RNF220: variants seen among roughly 807,000 people sequenced by gnomAD.
RNF220 encodes the protein ring finger protein 220.
RNF220 carries 7 observed loss-of-function variants against 67.1 expected under a neutral mutation model. The observed-to-expected ratio is 0.10, with a 90% CI of 0.06 to 0.20. The LOEUF (loss-of-function observed/expected upper bound fraction) is 0.20, where lower values mean the gene tolerates loss of function less well. Ranked by LOEUF, RNF220 falls within the 10% of genes least tolerant of loss-of-function variation. The pLI, the probability that RNF220 is intolerant of heterozygous loss-of-function variation, is 1.00. For synonymous variants in RNF220, 270 were observed against 283.2 expected, an observed-to-expected ratio of 0.95 and a Z score of 0.47; for missense variants, 565 against 740.3, an observed-to-expected ratio of 0.76 and a Z score of 2.75.
intron 2 of RNF220, among the ~76,000 whole-genome samples, chr1:44,608,111 G>C (rs1667410815): frequency 6.6e-6 from 1 of 151,984 alleles, no homozygotes; most frequent in South Asian, 2.1e-4. Context: ...TTTTTGTAGA[G>C]ATAGGGTCTA....
chr1:44,583,990 G>C (rs1572952555), intron 2 of RNF220, among the ~76,000 whole-genome samples: 4 of 152,358 alleles, frequency 2.6e-5, no homozygotes, highest in African/African-American at 2.4e-5. Flanking sequence ...TCCAATGCTA[G>C]TTCCTTTACA....
chr1:44,611,257 G>A (rs11582764), intron 2 of RNF220, among the ~76,000 whole-genome samples: 11,469 of 152,206 alleles, frequency 0.075, 943 homozygotes, highest in East Asian at 0.43. Flanking sequence ...GCAGGAAGAG[G>A]GCCTGTTGTC....
chr1:44,514,258 C>T (rs189501327), intron 2 of RNF220, among the ~76,000 whole-genome samples: 17 of 152,284 alleles, frequency 1.1e-4, no homozygotes, highest in African/African-American at 2.6e-4. Context: ...GTTAAATGAG[C>T]GGCCTAAAAT....
At chr1:44,460,801 T>C (rs1653689967) in intron 2 of RNF220, among the ~76,000 whole-genome samples, 1 of 152,220 alleles carries the variant, frequency 6.6e-6, no homozygotes, top group African/African-American at 2.4e-5. Flanking sequence ...GAGGAATAGA[T>C]TGAATATAGC....
In RNF220 at chr1:44,440,656, G is replaced by A. The variant is rs114919861; in HGVS notation, c.625+27934G>A. Reference sequence around the variant, plus strand: ...GACCTGTCTGATGCCAAAAATCTGTGCTCTTCCCTTTTTGTCACTCCAGCA... The same window carrying A: ...GACCTGTCTGATGCCAAAAATCTGTACTCTTCCCTTTTTGTCACTCCAGCA... On this transcript the variant is annotated intron_variant, in intron 2 of 14. Transcript: ENST00000361799. Among the ~76,000 whole-genome samples the A allele has an allele frequency of 5.3e-3, 814 of 152,240 alleles. 4 individuals carry two copies. The highest frequency in any genetic ancestry group is 0.019 in the African/African-American group (778 of 41,556).
At chr1:44,560,575 GT>G (rs1197515974) in intron 2 of RNF220, among the ~76,000 whole-genome samples, 1 of 151,926 alleles carries the variant, frequency 6.6e-6, no homozygotes, top group Non-Finnish European at 1.5e-5. Context: ...GTTTGTTTTT[GT>G]TTTCTGAGAC....
chr1:44,485,025 C>T (rs1656160746), intron 2 of RNF220, among the ~76,000 whole-genome samples: 1 of 152,182 alleles, frequency 6.6e-6, no homozygotes, highest in African/African-American at 2.4e-5. Context: ...TGCCTGTAGT[C>T]CCAGCTACTT....
intron 2 of RNF220, among the ~76,000 whole-genome samples, chr1:44,476,009 A>G (rs1470215138): frequency 6.6e-6 from 1 of 151,854 alleles, no homozygotes; most frequent in Non-Finnish European, 1.5e-5. Flanking sequence ...AAAAAAAAAA[A>G]GAAAGAAAAA....
Position 44,546,131 on chromosome 1 carries a change from G to A in RNF220, c.626-68034G>A, listed in dbSNP as rs79709173. On this transcript the variant is annotated intron_variant, in intron 2 of 14. Coordinates refer to ENST00000361799, the MANE Select transcript of RNF220 (RefSeq NM_018150.4). The stretch of plus-strand genomic sequence containing the variant: ...GGTGTGACAAAGACAATAAGCACCC[G>A]AGATGACTCACACTGCTTGCCAGGT... Among the ~76,000 whole-genome samples, 1,141 of 152,242 alleles carry A rather than the reference G, an allele frequency of 7.5e-3. 11 individuals carry two copies. The highest frequency in any genetic ancestry group is 0.026 in the African/African-American group (1,085 of 41,526).
At chr1:44,581,694 A>G (rs995795972) in intron 2 of RNF220, among the ~76,000 whole-genome samples, 1 of 152,130 alleles carries the variant, frequency 6.6e-6, no homozygotes, top group Non-Finnish European at 1.5e-5. Context: ...GACATGAGGG[A>G]AGAAAGAGTC....
chr1:44,429,735 G>T (rs1214973707), intron 2 of RNF220, among the ~76,000 whole-genome samples: 1 of 152,144 alleles, frequency 6.6e-6, no homozygotes, highest in Non-Finnish European at 1.5e-5. Flanking sequence ...TGAAGGAGTG[G>T]GGAAACAGGG....
At chr1:44,443,271 A>G (rs1378152112) in intron 2 of RNF220, among the ~76,000 whole-genome samples, 1 of 152,314 alleles carries the variant, frequency 6.6e-6, no homozygotes, top group East Asian at 1.9e-4. Flanking sequence ...ATGTTATTCA[A>G]ATTAGAAACA....
rs1026468432 is a variant in RNF220, at chr1:44,572,871, G to C, written c.626-41294G>C. The C allele has an allele frequency of 3.0e-5, 6 of 201,018 alleles. No individual in the cohort carries two copies. The Admixed American group carries it at 3.0e-4, about 10-fold the overall frequency. 12.5% of individuals were successfully genotyped at this position (201,018 alleles called of 1,614,324 possible). ...TTTGCACCATTACTCTACTTGGGGAGAGATACCCATGAGGAAGGATGTTGT... is the reference window on the plus strand; with the variant it reads ...TTTGCACCATTACTCTACTTGGGGACAGATACCCATGAGGAAGGATGTTGT... On this transcript the variant is annotated intron_variant, in intron 2 of 14. Transcript: ENST00000361799.
At chr1:44,478,444 A>C (rs1572627252) in intron 2 of RNF220, among the ~76,000 whole-genome samples, 1 of 152,054 alleles carries the variant, frequency 6.6e-6, no homozygotes, top group South Asian at 2.1e-4. Flanking sequence ...AAGAACTGCC[A>C]GGCGTGGTGG....
chr1:44,611,069 A>G (rs143413959), intron 2 of RNF220, among the ~76,000 whole-genome samples: 108 of 152,336 alleles, frequency 7.1e-4, no homozygotes, highest in Middle Eastern at 3.4e-3. Context: ...AACCCACGTC[A>G]TGACCACAGG....
rs1462450137 is a variant in RNF220, at chr1:44,649,639, A to C, written c.1446-22A>C. On this transcript the variant is annotated intron_variant, in intron 12 of 14. Coordinates refer to ENST00000361799, the MANE Select transcript of RNF220 (RefSeq NM_018150.4). This position sits in a 1 kb window ranked among gnomAD's most constrained non-coding sequence, Gnocchi z 5.9. Reference sequence around the variant, plus strand: ...GATGAGAGATGCCAGCCTGCTACCCAACCATGCCTTCCTTTTTACAGAATC... The same window carrying C: ...GATGAGAGATGCCAGCCTGCTACCCCACCATGCCTTCCTTTTTACAGAATC... 19 of 1,611,170 alleles carry C rather than the reference A, an allele frequency of 1.2e-5. No individual in the cohort carries two copies. Among genetic ancestry groups the C allele is most frequent in the Non-Finnish European group, 1.6e-5 (19 of 1,177,360 alleles).
chr1:44,621,892 A>ATG lies in RNF220; in HGVS notation c.759-835_759-834dup, dbSNP rs35521644. The stretch of plus-strand genomic sequence containing the variant: ...TTCATCAGCCAGCACTTCTGTGAGC[A>ATG]TGTGTGTGTGTGTGTGAGTGCACGC... On this transcript the variant is annotated intron_variant, in intron 3 of 14. Transcript: ENST00000361799. This position sits in a 1 kb window ranked among gnomAD's most constrained non-coding sequence, Gnocchi z 4.8. Among the ~76,000 whole-genome samples, 90 of 151,288 alleles carry ATG rather than the reference A, an allele frequency of 5.9e-4. No homozygotes were observed. The highest frequency in any genetic ancestry group is 3.5e-3 in the East Asian group (18 of 5,174).
At position 44,651,263 on chromosome 1, in the gene RNF220, C is replaced by T. The variant is rs1051648; in HGVS notation, c.*488C>T. 0.25 allele frequency: 43,735 copies of T among 178,380 alleles called. 6,676 individuals carry two copies. Among genetic ancestry groups the T allele is most frequent in the Middle Eastern group, 0.35 (130 of 374 alleles). 11.0% of individuals were successfully genotyped at this position (178,380 alleles called of 1,614,324 possible). On this transcript the variant is annotated 3_prime_UTR_variant, in exon 15 of 15. Coordinates refer to ENST00000361799, the MANE Select transcript of RNF220 (RefSeq NM_018150.4). ...CTTTTTTAAGAACCCCTGGAAGCAG[C>T]GCCTCCTTCAGGGTTGGCTGGGAGC... is the stretch of plus-strand genomic sequence containing the variant.
At chr1:44,556,810 C>G (rs972749411) in intron 2 of RNF220, among the ~76,000 whole-genome samples, 1 of 152,118 alleles carries the variant, frequency 6.6e-6, no homozygotes, top group African/African-American at 2.4e-5. Flanking sequence ...CCACCAGCCT[C>G]GGCCTCCCAA....
Sources: gnomAD v4.1 joint callset for allele counts (sites outside exome capture counted in the v4.1 genomes callset) on GRCh38, gnomAD v4.1.1 for gene constraint, Gnocchi (gnomAD v3.1) non-coding constraint, MANE v1.5 for transcripts, NCBI Gene and HGNC (gene_info 2026-07-23, HGNC 2026-07-21) for gene names.